AUTS2: variants seen among roughly 807,000 people sequenced by gnomAD.
AUTS2 encodes the protein autism susceptibility gene 2 protein.
Under a neutral mutation model 112.4 loss-of-function variants are expected in AUTS2, and 17 were observed. That is an observed-to-expected ratio of 0.15 (90% confidence interval 0.10 to 0.23). AUTS2 has a LOEUF of 0.23. AUTS2 is among the 10% of genes least tolerant of loss of function. The pLI is 1.00. For missense variants in AUTS2, 1,510 were observed against 1,701.6 expected (o/e 0.89, Z 1.98); for synonymous variants, 751 against 702.7 (o/e 1.07, Z -1.09).
intron 5 of AUTS2, among the ~76,000 whole-genome samples, chr7:70,487,966 G>A (rs574091477): frequency 6.6e-6 from 1 of 152,326 alleles, no homozygotes; most frequent in Non-Finnish European, 1.5e-5. Flanking sequence ...GCCCCTCGTA[G>A]AGGGCTCCGA....
At chr7:69,614,314 C>CTCTTTCTTTCTT (rs763131370) in intron 1 of AUTS2, among the ~76,000 whole-genome samples, 8,971 of 83,300 alleles carry the variant, frequency 0.11, 1,340 homozygotes, top group African/African-American at 0.15. Context: ...CACTCTCCGT[C>CTCTTTCTTTCTT]TCTTTCTTTC....
Position 70,792,837 on chromosome 7 carries a change from A to G in AUTS2, c.*1841A>G, listed in dbSNP as rs991426718. 2.0e-5 allele frequency: 3 copies of G among 152,650 alleles called. No homozygotes were observed. Among genetic ancestry groups the G allele is most frequent in the African/African-American group, 7.2e-5 (3 of 41,450 alleles). 9.5% of individuals were successfully genotyped at this position (152,650 alleles called of 1,614,324 possible). A position where few individuals can be genotyped will look rare whatever the true frequency, so the allele number is the denominator to read the frequency against. ...TCGGCGGAGCCTTCTTGTGTAATGTAAACTGTGCCATGTTATTAAAAAATG... is the reference window on the plus strand; with the variant it reads ...TCGGCGGAGCCTTCTTGTGTAATGTGAACTGTGCCATGTTATTAAAAAATG... On this transcript the variant is annotated 3_prime_UTR_variant, in exon 19 of 19. Coordinates refer to ENST00000342771, the MANE Select transcript of AUTS2 (RefSeq NM_015570.4).
intron 2 of AUTS2, among the ~76,000 whole-genome samples, chr7:69,914,356 G>GACACACAC (rs66527808): frequency 0.042 from 5,757 of 135,974 alleles, 132 homozygotes; most frequent in African/African-American, 0.071. Context: ...CACACACACA[G>GACACACAC]ACACACACAC....
intron 4 of AUTS2, among the ~76,000 whole-genome samples, chr7:70,206,157 C>T (rs751873083): frequency 1.3e-5 from 2 of 152,156 alleles, no homozygotes; most frequent in Non-Finnish European, 2.9e-5. Context: ...CTGTCCCCCT[C>T]CGTTAATGCA....
intron 6 of AUTS2, among the ~76,000 whole-genome samples, chr7:70,717,781 G>A (rs1288717342): frequency 1.3e-5 from 2 of 152,100 alleles, no homozygotes; most frequent in African/African-American, 4.8e-5. Flanking sequence ...TGCCTTTTTT[G>A]GCAGAGTATC....
At chr7:70,785,914 A>C in intron 16 of AUTS2, 41 bp from the exon 17 acceptor site, 5 of 1,596,754 alleles carry the variant, frequency 3.1e-6, no homozygotes, top group Non-Finnish European at 3.4e-6. Flanking sequence ...CTCTCCCAGC[A>C]GAGCCCCTGA....
intron 2 of AUTS2, among the ~76,000 whole-genome samples, chr7:69,910,906 G>T (rs923112112): frequency 3.9e-5 from 6 of 152,170 alleles, no homozygotes; most frequent in African/African-American, 1.2e-4. Flanking sequence ...GATTACAGGC[G>T]TGAGCCACTG....
chr7:69,692,583 G>A (rs1385900368), intron 1 of AUTS2, among the ~76,000 whole-genome samples: 2 of 152,222 alleles, frequency 1.3e-5, no homozygotes, highest in African/African-American at 4.8e-5. Context: ...TGTCTCTTCA[G>A]TTGATGCAAA....
chr7:70,503,442 T>C (rs921261721), intron 5 of AUTS2, among the ~76,000 whole-genome samples: 1 of 151,768 alleles, frequency 6.6e-6, no homozygotes, highest in Non-Finnish European at 1.5e-5. Flanking sequence ...GGTTTGTACC[T>C]GTAATCCCAG....
intron 4 of AUTS2, among the ~76,000 whole-genome samples, chr7:70,233,349 G>A (rs1217822722): frequency 2.0e-5 from 3 of 152,166 alleles, no homozygotes; most frequent in Non-Finnish European, 4.4e-5. Flanking sequence ...TTCTCTTGAG[G>A]AAATGGATAT....
At chr7:70,788,075 G>T (rs932354800) in intron 18 of AUTS2, among the ~76,000 whole-genome samples, 2 of 152,024 alleles carry the variant, frequency 1.3e-5, no homozygotes, top group Non-Finnish European at 2.9e-5. Flanking sequence ...GTTAAACAGG[G>T]AATGTCTTGG....
chr7:70,358,164 A>G (rs774534954), intron 4 of AUTS2, among the ~76,000 whole-genome samples: 2 of 152,202 alleles, frequency 1.3e-5, no homozygotes, highest in Non-Finnish European at 2.9e-5. Flanking sequence ...GTAAATCACC[A>G]GTTATGCCAA....
chr7:69,654,161 C>T (rs1247287514), intron 1 of AUTS2, among the ~76,000 whole-genome samples: 1 of 152,158 alleles, frequency 6.6e-6, no homozygotes, highest in Non-Finnish European at 1.5e-5. Flanking sequence ...TTTTCTTGCC[C>T]AATTTGCCAG....
chr7:69,724,167 A>G (rs1786389171), intron 1 of AUTS2, among the ~76,000 whole-genome samples: 3 of 152,156 alleles, frequency 2.0e-5, no homozygotes, highest in Admixed American at 2.0e-4. Context: ...AACATATTGT[A>G]TGTCACATCC....
chr7:69,927,253 G>A (rs1267640886), intron 2 of AUTS2, among the ~76,000 whole-genome samples: 1 of 147,874 alleles, frequency 6.8e-6, no homozygotes, highest in East Asian at 2.0e-4. Context: ...TTCACATGAT[G>A]TTATATCACT....
intron 4 of AUTS2, among the ~76,000 whole-genome samples, chr7:70,161,845 C>T (rs977442432): frequency 6.6e-6 from 1 of 152,024 alleles, no homozygotes; most frequent in East Asian, 1.9e-4. Context: ...TAATTTTTTA[C>T]AAACTTTTCT....
At chr7:70,662,023 T>G (rs938089948) in intron 5 of AUTS2, among the ~76,000 whole-genome samples, 1 of 151,864 alleles carries the variant, frequency 6.6e-6, no homozygotes, top group African/African-American at 2.4e-5. Context: ...GTGGACCAGA[T>G]TGAAAGGGTG....
intron 1 of AUTS2, among the ~76,000 whole-genome samples, chr7:69,816,752 A>G (rs1160849365): frequency 6.6e-6 from 1 of 152,230 alleles, no homozygotes; most frequent in East Asian, 1.9e-4. Context: ...AGAGGTTATG[A>G]GTTAGCCAAA....
At chr7:69,694,391 G>C (rs887785534) in intron 1 of AUTS2, among the ~76,000 whole-genome samples, 1 of 152,022 alleles carries the variant, frequency 6.6e-6, no homozygotes, top group African/African-American at 2.4e-5. Context: ...GCATCTGCAG[G>C]TGATTTTGAT....
Sources: gnomAD v4.1 joint callset for allele counts (sites outside exome capture counted in the v4.1 genomes callset) on GRCh38, gnomAD v4.1.1 for gene constraint, MANE v1.5 for transcripts, NCBI Gene and HGNC (gene_info 2026-07-23, HGNC 2026-07-21) for gene names.